CSF1R: variants seen among roughly 807,000 people sequenced by gnomAD.
CSF1R encodes macrophage colony-stimulating factor 1 receptor.
Under a neutral mutation model 110.0 loss-of-function variants are expected in CSF1R, and 40 were observed. The observed-to-expected ratio is 0.36, with a 90% CI of 0.28 to 0.47. The LOEUF is 0.47. Among genes scored for constraint, CSF1R ranks in the 20% least tolerant of loss-of-function variants. The probability of loss-of-function intolerance (pLI) is 0.99; values close to 1 mark genes in which losing one functional copy is unlikely to be tolerated. For synonymous variants in CSF1R, 523 were observed against 503.4 expected, an observed-to-expected ratio of 1.04 and a Z score of -0.52; for missense variants, 1,052 against 1,253.0, an observed-to-expected ratio of 0.84 and a Z score of 2.42.
intron 1 of CSF1R, among the ~76,000 whole-genome samples, chr5:150,108,072 G>A (rs1759605886): frequency 6.6e-6 from 1 of 152,152 alleles, no homozygotes; most frequent in Non-Finnish European, 1.5e-5. Flanking sequence ...GAGGAGTTGG[G>A]GGAGAGATAC....
chr5:150,080,363 C>T (rs761255765), intron 2 of CSF1R, 27 bp from the exon 3 acceptor site: 50 of 1,601,434 alleles, frequency 3.1e-5, no homozygotes, highest in Admixed American at 1.7e-5. Context: ...CACAGGGTTA[C>T]AACTGCCCTC....
chr5:150,112,950 C>T (rs1434614149), intron 1 of CSF1R, among the ~76,000 whole-genome samples: 1 of 152,202 alleles, frequency 6.6e-6, no homozygotes, highest in Non-Finnish European at 1.5e-5. Flanking sequence ...AAGGGAGGGG[C>T]TAAGGACACA....
intron 5 of CSF1R, chr5:150,076,998 G>C: frequency 2.0e-6 from 1 of 492,404 alleles, no homozygotes; most frequent in Non-Finnish European, 3.7e-6. Context: ...CCAGTAGGGA[G>C]CTACTGGACC....
chr5:150,086,163 G>A (rs1252736911), intron 1 of CSF1R, among the ~76,000 whole-genome samples: 2 of 152,202 alleles, frequency 1.3e-5, no homozygotes, highest in Admixed American at 6.5e-5. Context: ...GGCAGAGCTG[G>A]GACAGATCCA....
At position 150,053,650 on chromosome 5, in the gene CSF1R, G is replaced by A; in HGVS notation, c.*419C>T. ...AGCATCTGCTGCTCCTCTCAGAGAG[G>A]GAGATCTCACTCTCTGCCAGTCTGT... On this transcript the variant is annotated 3_prime_UTR_variant, in exon 21 of 21. Coordinates refer to ENST00000675795, the MANE Select transcript of CSF1R (RefSeq NM_001288705.3). 1.0e-5 allele frequency: 3 copies of A among 290,028 alleles called. No individual in the cohort carries two copies. Among genetic ancestry groups the A allele is most frequent in the African/African-American group, 2.2e-5 (1 of 46,210 alleles). 18.0% of individuals were successfully genotyped at this position (290,028 alleles called of 1,614,324 possible).
chr5:150,101,907 G>A (rs1759416976), intron 1 of CSF1R, among the ~76,000 whole-genome samples: 1 of 152,006 alleles, frequency 6.6e-6, no homozygotes, highest in South Asian at 2.1e-4. Flanking sequence ...AGTATCCTAT[G>A]CTATTTAATC....
At position 150,107,297 on chromosome 5, in the gene CSF1R, T is replaced by C. The variant is rs545356067; in HGVS notation, c.-181+5964A>G. Among the ~76,000 whole-genome samples, 64 of 152,350 alleles carry C rather than the reference T, an allele frequency of 4.2e-4. 2 individuals carry two copies. The South Asian group carries it at 0.013, about 30-fold the overall frequency. On this transcript the variant is annotated intron_variant, in intron 1 of 21. Coordinates refer to the CSF1R transcript ENST00000286301. ...AAGTGGTGTTATACAGTGCAGCTGATAATATCTGACATCTATGGACATTAA... is the reference window on the plus strand; with the variant it reads ...AAGTGGTGTTATACAGTGCAGCTGACAATATCTGACATCTATGGACATTAA...
At chr5:150,087,321 G>A (rs6898952), upstream of CSF1R, among the ~76,000 whole-genome samples, 2,469 of 152,256 alleles carry the variant, frequency 0.016, 66 homozygotes, top group African/African-American at 0.056. Flanking sequence ...GATAATATTG[G>A]CAATAAGCTT....
chr5:150,055,871 G>T (rs552240737), intron 18 of CSF1R, among the ~76,000 whole-genome samples, 155 bp downstream of exon 18: 6 of 152,214 alleles, frequency 3.9e-5, no homozygotes, highest in African/African-American at 1.4e-4. Context: ...GCCGAGTCCC[G>T]CAGGAGCCAC....
intron 1 of CSF1R, among the ~76,000 whole-genome samples, chr5:150,103,822 G>A (rs1042485392): frequency 6.6e-6 from 1 of 152,156 alleles, no homozygotes; most frequent in African/African-American, 2.4e-5. Context: ...GGAGTAGAAA[G>A]GGGGTGAGGT....
upstream of CSF1R, among the ~76,000 whole-genome samples, chr5:150,090,856 G>A (rs776466751): frequency 3.3e-5 from 5 of 152,148 alleles, no homozygotes; most frequent in Non-Finnish European, 7.4e-5. Flanking sequence ...AAAAGGAAGT[G>A]AAAAATTACC....
intron 10 of CSF1R, among the ~76,000 whole-genome samples, chr5:150,065,175 A>G (rs1419566466): frequency 2.0e-5 from 3 of 152,148 alleles, no homozygotes; most frequent in Non-Finnish European, 2.9e-5. Flanking sequence ...CAAAGGGGGC[A>G]TGGAGACAAA....
intron 12 of CSF1R, 93 bp downstream of exon 12, chr5:150,061,398 A>T: frequency 8.8e-7 from 1 of 1,136,322 alleles, no homozygotes. Flanking sequence ...CAACAGGTTG[A>T]AATGTGTGTG....
chr5:150,094,118 T>C (rs1431846285), intron 1 of CSF1R, among the ~76,000 whole-genome samples: 2 of 149,998 alleles, frequency 1.3e-5, no homozygotes, highest in Non-Finnish European at 3.0e-5. Flanking sequence ...AAAATAAAAC[T>C]TGAAGAAACC....
intron 1 of CSF1R, among the ~76,000 whole-genome samples, chr5:150,086,150 G>A (rs888197448): frequency 3.9e-5 from 6 of 152,136 alleles, no homozygotes; most frequent in Non-Finnish European, 5.9e-5. Flanking sequence ...ACAGTGAGTC[G>A]CTGGCAGAGC....
At position 150,057,210 on chromosome 5, in the gene CSF1R, C is replaced by T. The variant is rs1581281440; in HGVS notation, c.2319+77G>A. The T allele has an allele frequency of 6.2e-6, 8 of 1,291,206 alleles. No homozygotes were observed. The East Asian group carries it at 1.4e-4, about 23-fold the overall frequency. 80.0% of individuals were successfully genotyped at this position (1,291,206 alleles called of 1,614,324 possible). A position where few individuals can be genotyped will look rare whatever the true frequency, so the allele number is the denominator to read the frequency against. On this transcript the variant is annotated intron_variant, in intron 16 of 20. Transcript: ENST00000675795. ...CCCCCTCACAGGCTCCCGTTTCCTCCTCCCCATCGTCACTCATCCAGCCTC... is the reference window on the plus strand; with the variant it reads ...CCCCCTCACAGGCTCCCGTTTCCTCTTCCCCATCGTCACTCATCCAGCCTC...
chr5:150,064,521 A>G (rs1473105276), intron 10 of CSF1R, among the ~76,000 whole-genome samples: 1 of 152,208 alleles, frequency 6.6e-6, no homozygotes, highest in Non-Finnish European at 1.5e-5. Flanking sequence ...GAACTTCCCA[A>G]GCCTCTGAGG....
At chr5:150,065,720 G>T (rs1346855890) in intron 10 of CSF1R, among the ~76,000 whole-genome samples, 1 of 152,244 alleles carries the variant, frequency 6.6e-6, no homozygotes, top group Non-Finnish European at 1.5e-5. Context: ...TCTGTGAATG[G>T]GTGTAGGGGA....
intron 6 of CSF1R, 104 bp from the exon 7 acceptor site, chr5:150,070,675 T>C (rs1757994808): frequency 2.4e-6 from 2 of 817,462 alleles, no homozygotes; most frequent in Non-Finnish European, 3.5e-6. Context: ...TTATTTTTGG[T>C]AAAATATTCA....
Sources: allele counts gnomAD v4.1 joint callset (sites outside exome capture counted in the v4.1 genomes callset), GRCh38; gene constraint gnomAD v4.1.1; transcripts MANE v1.5; gene names NCBI Gene and HGNC (gene_info 2026-07-23, HGNC 2026-07-21).